The following CRACD variants were observed in gnomAD, a reference collection of about 807,000 sequenced individuals.
CRACD encodes the protein capping protein-inhibiting regulator of actin dynamics.
A neutral mutation model predicts 106.8 loss-of-function variants in CRACD; 56 were observed. That is an observed-to-expected ratio of 0.52 (90% CI 0.42 to 0.66). CRACD has a LOEUF of 0.66. CRACD is among the 30% of genes least tolerant of loss of function. CRACD has a pLI of 0.00. For missense variants in CRACD, 1,730 were observed against 1,623.2 expected (o/e 1.07, Z -1.13); for synonymous variants, 754 against 670.8 (o/e 1.12, Z -1.92).
intron 2 of CRACD, among the ~76,000 whole-genome samples, chr4:56,250,768 G>A (rs1241877455): frequency 2.6e-5 from 4 of 152,150 alleles, no homozygotes; most frequent in Admixed American, 6.5e-5. Flanking sequence ...CAGAGTGGTC[G>A]TGAGGTATTA....
intron 1 of CRACD, among the ~76,000 whole-genome samples, chr4:56,108,616 C>T (rs1265409321): frequency 6.6e-6 from 1 of 151,816 alleles, no homozygotes; most frequent in East Asian, 1.9e-4. Context: ...CCCCAAATGG[C>T]TGGGCGCGCT....
rs375442425 is a variant in CRACD, at chr4:56,110,187, C to A, written c.-336+60888C>A. On this transcript the variant is annotated intron_variant, in intron 1 of 10. Coordinates refer to ENST00000682029, the MANE Select transcript of CRACD (RefSeq NM_001393381.1). Reference sequence around the variant, plus strand: ...GTTGAAACACATAGATATAAGAAGGCAGTAAAAAAATATAGTAAGAAAATG... The same window carrying A: ...GTTGAAACACATAGATATAAGAAGGAAGTAAAAAAATATAGTAAGAAAATG... Among the ~76,000 whole-genome samples the A allele has an allele frequency of 3.9e-4, 59 of 152,140 alleles. No homozygotes were observed. In the East Asian group the frequency reaches 6.2e-3, roughly 16 times the overall value.
At position 56,125,764 on chromosome 4, in the gene CRACD, C is replaced by CTTCTTTTTT. The variant is rs1420481544; in HGVS notation, c.-335-53518_-335-53517insCTTTTTTTT. ...ATAATCTATTACTGTCATTCTTCTT[C>CTTCTTTTTT]TTTTTTTTTTTTTTTTTTTTTTTTG... On this transcript the variant is annotated intron_variant, in intron 1 of 10. Transcript: ENST00000682029. Among the ~76,000 whole-genome samples the CTTCTTTTTT allele has an allele frequency of 1.9e-3, 137 of 73,320 alleles. 1 individual carries two copies. The highest frequency in any genetic ancestry group is 2.3e-3 in the Non-Finnish European group (93 of 39,712). The allele number at this position is 73,320 out of a possible 152,430, so 48.1% of individuals were successfully genotyped here.
Position 56,288,298 on chromosome 4 carries a change from A to G in CRACD, c.-16-9916A>G, listed in dbSNP as rs75249810. 5.2e-3 allele frequency among the ~76,000 whole-genome samples: 793 copies of G among 152,002 alleles called. 7 individuals are homozygous for G. Among genetic ancestry groups the G allele is most frequent in the African/African-American group, 0.018 (738 of 41,418 alleles). ...ATGTATAGGTTTGTTACAAGGGTAT[A>G]TTACGTGATGCTGAGGTTTGAGCTT... On this transcript the variant is annotated intron_variant, in intron 3 of 10. Coordinates refer to ENST00000682029, the MANE Select transcript of CRACD (RefSeq NM_001393381.1).
At chr4:56,067,497 C>T (rs1335279463) in intron 1 of CRACD, among the ~76,000 whole-genome samples, 2 of 152,238 alleles carry the variant, frequency 1.3e-5, no homozygotes, top group East Asian at 3.8e-4. Context: ...AGCATGGATT[C>T]ATGTATATAA....
intron 2 of CRACD, among the ~76,000 whole-genome samples, chr4:56,193,815 T>C (rs1737485900): frequency 2.0e-5 from 3 of 152,210 alleles, no homozygotes; most frequent in Admixed American, 1.3e-4. Context: ...GTTTCTGTTT[T>C]TTTTTTATAT....
rs572446573 is a variant in CRACD at position 56,181,467 on chromosome 4, C to T, written c.-189+2037C>T. Among the ~76,000 whole-genome samples, 8 of 152,304 alleles carry T rather than the reference C, an allele frequency of 5.3e-5. No homozygotes were observed. The East Asian group carries it at 1.3e-3, about 26-fold the overall frequency. ...TATTTTCTTCTGCAGTTAAAGAACA[C>T]GTACTCCCTCCACCCAGCACACACA... On this transcript the variant is annotated intron_variant, in intron 2 of 10. Coordinates refer to ENST00000682029, the MANE Select transcript of CRACD (RefSeq NM_001393381.1).
At chr4:56,051,633 C>T (rs1731879476) in intron 1 of CRACD, among the ~76,000 whole-genome samples, 1 of 152,140 alleles carries the variant, frequency 6.6e-6, no homozygotes, top group African/African-American at 2.4e-5. Context: ...GGATCTCACG[C>T]CCAGAGCTTT....
At chr4:56,146,231 GA>G (rs1407565553) in intron 1 of CRACD, among the ~76,000 whole-genome samples, 5 of 151,934 alleles carry the variant, frequency 3.3e-5, no homozygotes, top group African/African-American at 1.2e-4. Context: ...ATTTACAGTT[GA>G]TTAGATATAA....
intron 1 of CRACD, among the ~76,000 whole-genome samples, chr4:56,141,835 A>G (rs940673544): frequency 1.3e-5 from 2 of 151,484 alleles, no homozygotes; most frequent in Non-Finnish European, 2.9e-5. Context: ...CTGGGACTGC[A>G]GGCACGCGCC....
At chr4:56,083,498 A>G (rs1442129775) in intron 1 of CRACD, among the ~76,000 whole-genome samples, 1 of 151,976 alleles carries the variant, frequency 6.6e-6, no homozygotes, top group East Asian at 1.9e-4. Flanking sequence ...CATCCATCCC[A>G]TACCATACCC....
intron 3 of CRACD, 110 bp from the exon 4 acceptor site, chr4:56,298,104 G>A (rs1166780963): frequency 4.8e-6 from 6 of 1,243,952 alleles, no homozygotes; most frequent in Middle Eastern, 4.7e-4. Context: ...AGTGCTTGCC[G>A]AATGAGACTG....
At chr4:56,235,186 T>TAAG (rs1238249085) in intron 2 of CRACD, among the ~76,000 whole-genome samples, 2 of 152,210 alleles carry the variant, frequency 1.3e-5, no homozygotes, top group Non-Finnish European at 2.9e-5. Flanking sequence ...AAACACCTGT[T>TAAG]AAGTCTTATC....
chr4:56,187,595 A>C (rs192343743), intron 2 of CRACD, among the ~76,000 whole-genome samples: 46 of 152,140 alleles, frequency 3.0e-4, no homozygotes, highest in East Asian at 5.8e-4. Flanking sequence ...AACCAACCAA[A>C]CAAACAAACA....
At chr4:56,176,904 T>G (rs545635401) in intron 1 of CRACD, among the ~76,000 whole-genome samples, 3 of 152,244 alleles carry the variant, frequency 2.0e-5, no homozygotes, top group Non-Finnish European at 4.4e-5. Flanking sequence ...GATTTTTGTA[T>G]GTTAATTTTG....
intron 4 of CRACD, among the ~76,000 whole-genome samples, chr4:56,304,802 T>A (rs918835926): frequency 5.9e-5 from 9 of 152,206 alleles, no homozygotes; most frequent in Middle Eastern, 3.4e-3. Context: ...AAATTTAATT[T>A]AAAAAATTTA....
intron 6 of CRACD, chr4:56,310,957 A>C: frequency 5.8e-6 from 3 of 516,110 alleles, no homozygotes; most frequent in Non-Finnish European, 7.0e-6. Flanking sequence ...AACTAGCCAT[A>C]CTCCCAGCAT....
intron 2 of CRACD, among the ~76,000 whole-genome samples, chr4:56,220,132 A>G (rs1027325105): frequency 6.6e-6 from 1 of 152,220 alleles, no homozygotes; most frequent in African/African-American, 2.4e-5. Context: ...TAGCTCCTTC[A>G]CTGCAGCTTT....
At chr4:56,269,401 A>C (rs1276158792) in intron 2 of CRACD, among the ~76,000 whole-genome samples, 1 of 151,666 alleles carries the variant, frequency 6.6e-6, no homozygotes, top group Admixed American at 6.6e-5. Context: ...AAAAAAAAAA[A>C]TTTAATTGGT....
Sources: allele counts gnomAD v4.1 joint callset (sites outside exome capture counted in the v4.1 genomes callset), GRCh38; gene constraint gnomAD v4.1.1; transcripts MANE v1.5; gene names NCBI Gene and HGNC (gene_info 2026-07-23, HGNC 2026-07-21).